Variants in GABRB3 observed in about 807,000 individuals in gnomAD.
GABRB3 encodes the protein gamma-aminobutyric acid type A receptor subunit beta3.
Under a neutral mutation model 52.1 loss-of-function variants are expected in GABRB3, and 14 were observed. The observed-to-expected ratio is 0.27, with a 90% confidence interval of 0.18 to 0.42. GABRB3 has a LOEUF of 0.42. Among genes scored for constraint, GABRB3 ranks in the 10% least tolerant of loss-of-function variants. The pLI is 1.00. For missense variants in GABRB3, 307 were observed against 609.1 expected (o/e 0.50, Z 5.22); for synonymous variants, 260 against 232.3 (o/e 1.12, Z -1.08).
At chr15:26,566,285 T>C (rs1335322662) in intron 7 of GABRB3, among the ~76,000 whole-genome samples, 2 of 152,184 alleles carry the variant, frequency 1.3e-5, no homozygotes, top group Non-Finnish European at 2.9e-5. Context: ...TCTCAAGCCA[T>C]AATTATGTGT....
At chr15:26,580,266 A>C (rs1890739183) in intron 6 of GABRB3, 53 bp downstream of exon 6, 1 of 1,610,122 alleles carries the variant, frequency 6.2e-7, no homozygotes, top group South Asian at 1.1e-5. Flanking sequence ...CACTCCAGTC[A>C]CGCCCATGGA....
chr15:26,550,956 T>G (rs1889440439), intron 8 of GABRB3, among the ~76,000 whole-genome samples: 1 of 152,110 alleles, frequency 6.6e-6, no homozygotes, highest in African/African-American at 2.4e-5. Context: ...GAGTAGAAAT[T>G]TTTCAGACAA....
intron 3 of GABRB3, among the ~76,000 whole-genome samples, chr15:26,674,431 A>AGAAAAGAAAGGAAAG (rs1566800635): frequency 1.1e-5 from 1 of 94,074 alleles, no homozygotes; most frequent in Non-Finnish European, 2.0e-5. Flanking sequence ...AGAAAAGAAA[A>AGAAAAGAAAGGAAAG]GAAAGGAAAG....
chr15:26,603,334 G>T (rs1566768601), intron 4 of GABRB3, among the ~76,000 whole-genome samples: 1 of 151,896 alleles, frequency 6.6e-6, no homozygotes. Context: ...AATGTTGAAA[G>T]AACAACTAAT....
chr15:26,608,165 T>C (rs918845109), intron 4 of GABRB3, among the ~76,000 whole-genome samples: 1 of 150,226 alleles, frequency 6.7e-6, no homozygotes, highest in Non-Finnish European at 1.5e-5. Context: ...ATAAACCCAT[T>C]CATGTACTTT....
chr15:26,659,124 T>C (rs1455498746), intron 3 of GABRB3, among the ~76,000 whole-genome samples: 2 of 152,208 alleles, frequency 1.3e-5, no homozygotes, highest in African/African-American at 4.8e-5. Context: ...TGGGAGGTTG[T>C]TGGAGGCAGC....
chr15:26,689,650 G>A (rs1888521223), intron 3 of GABRB3, among the ~76,000 whole-genome samples: 1 of 152,008 alleles, frequency 6.6e-6, no homozygotes, highest in East Asian at 1.9e-4. Flanking sequence ...CAGAGGACAC[G>A]AAACCCCTCA....
intron 3 of GABRB3, among the ~76,000 whole-genome samples, chr15:26,697,578 G>A (rs897105248): frequency 3.9e-5 from 6 of 152,112 alleles, no homozygotes; most frequent in African/African-American, 1.2e-4. Context: ...GGAAGAGGGA[G>A]CACATATGCC....
chr15:26,702,246 T>C (rs371731217), intron 3 of GABRB3, among the ~76,000 whole-genome samples: 2 of 152,342 alleles, frequency 1.3e-5, no homozygotes, highest in East Asian at 1.9e-4. Context: ...TGAAAAACTT[T>C]TGTCTTTTGA....
intron 4 of GABRB3, among the ~76,000 whole-genome samples, chr15:26,592,863 C>T (rs974387780): frequency 2.0e-4 from 30 of 151,378 alleles, no homozygotes; most frequent in African/African-American, 6.8e-4. Flanking sequence ...AAATACAAAA[C>T]AATTAGCTGG....
At chr15:26,606,175 A>G (rs1189979979) in intron 4 of GABRB3, among the ~76,000 whole-genome samples, 2 of 151,894 alleles carry the variant, frequency 1.3e-5, no homozygotes, top group Non-Finnish European at 2.9e-5. Flanking sequence ...GATCAAAACC[A>G]TATTAGGTGG....
intron 3 of GABRB3, among the ~76,000 whole-genome samples, chr15:26,694,571 C>T (rs551679971): frequency 3.2e-4 from 48 of 152,272 alleles, no homozygotes; most frequent in African/African-American, 1.1e-3. Flanking sequence ...ACTTGAACCC[C>T]TAGCCAGATA....
chr15:26,764,163 A>T (rs1595357004), intron 3 of GABRB3, among the ~76,000 whole-genome samples: 4 of 34,632 alleles, frequency 1.2e-4, no homozygotes, highest in African/African-American at 2.1e-4. Context: ...AAAAAAAAAA[A>T]AAAAAAAAAA....
At position 26,547,786 on chromosome 15, in the gene GABRB3, C is replaced by T. The variant is rs1889311974; in HGVS notation, c.*7G>A. ...AATGAAGTCTTTGAAAAATCAAGTA[C>T]AGTCACTCAGTTAACATAGTACAGC... On this transcript the variant is annotated 3_prime_UTR_variant, in exon 9 of 9. Transcript: ENST00000311550. The T allele has an allele frequency of 1.9e-6, 3 of 1,608,604 alleles. No individual in the cohort carries two copies. The highest frequency in any genetic ancestry group is 1.1e-5 in the South Asian group (1 of 90,940).
intron 3 of GABRB3, among the ~76,000 whole-genome samples, chr15:26,674,818 A>G (rs576232872): frequency 1.8e-4 from 27 of 152,186 alleles, no homozygotes; most frequent in Non-Finnish European, 3.5e-4. Context: ...CTTTTTTCCA[A>G]CAGAAATCAC....
intron 3 of GABRB3, among the ~76,000 whole-genome samples, chr15:26,670,631 G>A (rs1037889039): frequency 6.6e-6 from 1 of 152,116 alleles, no homozygotes; most frequent in Non-Finnish European, 1.5e-5. Flanking sequence ...CATAAATATC[G>A]AGATAGGAAA....
intron 3 of GABRB3, among the ~76,000 whole-genome samples, chr15:26,631,087 G>A (rs1892901632): frequency 6.6e-6 from 1 of 152,206 alleles, no homozygotes; most frequent in Non-Finnish European, 1.5e-5. Context: ...GCTGGACCTA[G>A]AAGCTGTAGA....
intron 6 of GABRB3, among the ~76,000 whole-genome samples, chr15:26,572,835 C>A (rs1236402153): frequency 6.6e-6 from 1 of 152,182 alleles, no homozygotes; most frequent in Non-Finnish European, 1.5e-5. Flanking sequence ...GAGGCACAGT[C>A]CCTGGGCACA....
At chr15:26,683,521 G>A (rs1359639987) in intron 3 of GABRB3, among the ~76,000 whole-genome samples, 1 of 152,176 alleles carries the variant, frequency 6.6e-6, no homozygotes, top group Non-Finnish European at 1.5e-5. Context: ...ATCAATGGAC[G>A]AGATTGACAC....
Sources: allele counts gnomAD v4.1 joint callset (sites outside exome capture counted in the v4.1 genomes callset), GRCh38; gene constraint gnomAD v4.1.1; transcripts MANE v1.5; gene names NCBI Gene and HGNC (gene_info 2026-07-23, HGNC 2026-07-21).